The following SYNM variants were observed in gnomAD, a reference collection of about 807,000 sequenced individuals.
The protein encoded by SYNM is synemin.
A neutral mutation model predicts 104.0 loss-of-function variants in SYNM; 95 were observed. The ratio of observed to expected loss-of-function variants is 0.91; its 90% CI spans 0.77 to 1.08. SYNM has a LOEUF of 1.08. Among genes scored for constraint, SYNM ranks in the 50% least tolerant of loss-of-function variants. The pLI is 0.00. For missense variants in SYNM, 2,150 were observed against 2,052.2 expected, an observed-to-expected ratio of 1.05 and a Z score of -0.92; for synonymous variants, 918 against 869.0, an observed-to-expected ratio of 1.06 and a Z score of -0.99.
rs370438116 is a variant in SYNM at position 99,105,652 on chromosome 15, C to G, written c.453C>G (p.Asp151Glu). 3.2e-5 allele frequency: 45 copies of G among 1,384,986 alleles called. No homozygotes were observed. The highest frequency in any genetic ancestry group is 4.0e-5 in the Non-Finnish European group (43 of 1,070,256). 85.8% of individuals were successfully genotyped at this position (1,384,986 alleles called of 1,614,324 possible). A position where few individuals can be genotyped will look rare whatever the true frequency, so the allele number is the denominator to read the frequency against. ...RRGLDAAHER[D>E]VRELRARAAS... ...GCCTCGACGCGGCCCACGAACGCGA[C>G]GTGAGGGAGCTGCGCGCGCGCGCCG... The change falls in exon 1 of 4, where the codon GAC becomes GAG. Residue 151 changes from aspartate to glutamate, a missense_variant. Transcript: ENST00000336292.
At chr15:99,125,948 G>A (rs782012509) in intron 2 of SYNM, among the ~76,000 whole-genome samples, 14 of 152,216 alleles carry the variant, frequency 9.2e-5, no homozygotes, top group Non-Finnish European at 1.6e-4. Flanking sequence ...AGCAGTAGAC[G>A]TGAACAACCT....
chr15:99,106,211 G>A (rs2067241887), intron 1 of SYNM, among the ~76,000 whole-genome samples: 1 of 152,228 alleles, frequency 6.6e-6, no homozygotes, highest in African/African-American at 2.4e-5. Flanking sequence ...GCGCGGGGCG[G>A]CAGGTCCTAG....
At chr15:99,106,513 C>A (rs1555482830) in intron 1 of SYNM, among the ~76,000 whole-genome samples, 2 of 152,210 alleles carry the variant, frequency 1.3e-5, no homozygotes, top group African/African-American at 4.8e-5. Flanking sequence ...TTGGAAGCCG[C>A]AGTTGTGGCT....
chr15:99,115,839 A>G (rs1187901101), intron 2 of SYNM, among the ~76,000 whole-genome samples: 1 of 152,200 alleles, frequency 6.6e-6, no homozygotes, highest in Non-Finnish European at 1.5e-5. Context: ...TATCTGGCTG[A>G]TACGTTGCTT....
At chr15:99,106,140 G>C (rs2067240705) in intron 1 of SYNM, 131 bp downstream of exon 1, 3 of 1,035,548 alleles carry the variant, frequency 2.9e-6, no homozygotes, top group Non-Finnish European at 3.9e-6. Flanking sequence ...CCCGCCCAGA[G>C]GGTGCCCGAA....
chr15:99,122,721 C>G (rs1277728235), intron 2 of SYNM, among the ~76,000 whole-genome samples: 3 of 152,134 alleles, frequency 2.0e-5, no homozygotes, highest in Non-Finnish European at 4.4e-5. Context: ...TGCCTGTAGT[C>G]CCAGCTACTT....
Position 99,132,566 on chromosome 15 carries a change from G to T in SYNM, c.4206G>T (p.Arg1402Ser), listed in dbSNP as rs541002150. The T allele has an allele frequency of 8.7e-6, 14 of 1,613,896 alleles. No individual in the cohort carries two copies. In the Admixed American group the frequency reaches 1.0e-4, roughly 12 times the overall value. Residue 1402 changes from arginine (R) to serine (S), a missense_variant, in exon 4 of 4, where the codon AGG (arginine) becomes AGT (serine). Coordinates refer to ENST00000336292, the MANE Select transcript of SYNM (RefSeq NM_145728.3). Reference protein sequence around the residue: ...EMTSGVSRSFRHIRLGPTETE... With the variant: ...EMTSGVSRSFSHIRLGPTETE... ...CATCGGGTGTTAGCAGATCCTTTAG[G>T]CACATTCGACTAGGTCCTACAGAAA...
In SYNM at chr15:99,131,798, T is replaced by G. The variant is rs782737537; in HGVS notation, c.3438T>G (p.Thr1146=). The G allele has an allele frequency of 6.2e-7, 1 of 1,613,804 alleles. No homozygotes were observed. Among genetic ancestry groups the G allele is most frequent in the African/African-American group, 1.3e-5 (1 of 74,938 alleles). ...RTERMSYEGP[T]AEVVEVSAGG... ...AGCGAATGTCATATGAAGGACCCAC[T>G]GCAGAAGTGGTGGAGGTAAGTGCGG... Residue 1146 remains threonine, a synonymous_variant, in exon 4 of 4, where the codon ACT becomes ACG. Coordinates refer to ENST00000336292, the MANE Select transcript of SYNM (RefSeq NM_145728.3). The surrounding 1 kb of genome is among the most constrained non-coding windows in gnomAD (Gnocchi z 4.3).
chr15:99,113,660 T>C lies in SYNM; in HGVS notation c.880T>C (p.Tyr294His), dbSNP rs1225577363. 6.2e-7 allele frequency: 1 copy of C among 1,613,394 alleles called. No homozygotes were observed. Among genetic ancestry groups the C allele is most frequent in the Non-Finnish European group, 8.5e-7 (1 of 1,179,702 alleles). Residue 294 changes from tyrosine (Y) to histidine (H), a missense_variant, in exon 2 of 4, where the codon TAT (tyrosine) becomes CAT (histidine). Transcript: ENST00000336292. ...GGCCATGGCTGACTGGCTGCGGGAC[T>C]ATCAGGACCTCCTGCAGGTGAAGAC... The part of the protein sequence containing the change: ...TLAMADWLRD[Y>H]QDLLQVKTGL...
chr15:99,139,630 CTGTA>C (rs1555489219), downstream of SYNM: 5 of 1,503,462 alleles, frequency 3.3e-6, no homozygotes, highest in East Asian at 2.7e-5. Flanking sequence ...CTGTGACTAT[CTGTA>C]TGCAAAAAAT....
At chr15:99,113,499 G>A (rs1431025024) in intron 1 of SYNM, 92 bp from the exon 2 acceptor site, 5 of 1,539,118 alleles carry the variant, frequency 3.2e-6, no homozygotes, top group East Asian at 4.7e-5. Flanking sequence ...ACCCTGGTCT[G>A]TTTTTCAATT....
In SYNM at chr15:99,131,623, A is replaced by T. The variant is rs1567284885; in HGVS notation, c.3263A>T (p.His1088Leu). ...AGCGAGGTTGCTGGTGGGGCCTCTC[A>T]CAGCTCGGGACAGCGCACTCCCCAG... ...GESEVAGGAS[H>L]SSGQRTPQGP... Residue 1088 changes from histidine (H) to leucine (L), a missense_variant, in exon 4 of 4, where the codon CAC becomes CTC. His to Leu is a moderately conservative substitution (Grantham distance 99, BLOSUM62 -3). Transcript: ENST00000336292. This position sits in a 1 kb window ranked among gnomAD's most constrained non-coding sequence, Gnocchi z 4.3. 3 of 1,610,304 alleles carry T rather than the reference A, an allele frequency of 1.9e-6. No individual in the cohort carries two copies. The highest frequency in any genetic ancestry group is 1.7e-5 in the Admixed American group (1 of 59,860).
At chr15:99,127,952 G>A (rs1222959803) in intron 3 of SYNM, among the ~76,000 whole-genome samples, 1 of 152,166 alleles carries the variant, frequency 6.6e-6, no homozygotes, top group Non-Finnish European at 1.5e-5. Context: ...GTGATTTTGG[G>A]GCCGAGGGAG....
intron 2 of SYNM, among the ~76,000 whole-genome samples, chr15:99,120,138 C>G (rs953491953): frequency 1.6e-4 from 25 of 152,118 alleles, no homozygotes; most frequent in African/African-American, 5.3e-4. Context: ...AATTGGAGAG[C>G]CTGAGATTTT....
intron 1 of SYNM, among the ~76,000 whole-genome samples, chr15:99,106,428 G>A (rs1479837909): frequency 6.6e-6 from 1 of 152,208 alleles, no homozygotes; most frequent in Non-Finnish European, 1.5e-5. Context: ...TAGCCCCGCT[G>A]TCTATAGCGC....
At position 99,105,662 on chromosome 15, in the gene SYNM, C is replaced by T. The variant is rs1191375087; in HGVS notation, c.463C>T (p.Leu155=). Residue 155 remains leucine, a synonymous_variant, in exon 1 of 4, where the codon CTG becomes TTG. Coordinates refer to ENST00000336292, the MANE Select transcript of SYNM (RefSeq NM_145728.3). ...GGCCCACGAACGCGACGTGAGGGAGCTGCGCGCGCGCGCCGCCAGCCTTAC... is the reference window on the plus strand; with the variant it reads ...GGCCCACGAACGCGACGTGAGGGAGTTGCGCGCGCGCGCCGCCAGCCTTAC... ...DAAHERDVRE[L]RARAASLTMH... 4.3e-6 allele frequency: 6 copies of T among 1,399,590 alleles called. 1 individual carries two copies. The South Asian group carries it at 6.0e-5, about 14-fold the overall frequency. 86.7% of individuals were successfully genotyped at this position (1,399,590 alleles called of 1,614,324 possible). A position where few individuals can be genotyped will look rare whatever the true frequency, so the allele number is the denominator to read the frequency against.
rs1178385145 is a variant in SYNM at position 99,113,627 on chromosome 15, C to G, written c.847C>G (p.Leu283Val). The part of the protein sequence containing the change: ...IDCLEDEKAT[L>V]TLAMADWLRD... ...CTGCCTGGAGGATGAGAAGGCAACC[C>G]TCACCTTGGCCATGGCTGACTGGCT... The change falls in exon 2 of 4, where the codon CTC becomes GTC. Residue 283 changes from leucine (L) to valine (V), a missense_variant. Coordinates refer to ENST00000336292, the MANE Select transcript of SYNM (RefSeq NM_145728.3). 6.2e-7 allele frequency: 1 copy of G among 1,613,454 alleles called. No homozygotes were observed. Among genetic ancestry groups the G allele is most frequent in the African/African-American group, 1.3e-5 (1 of 74,912 alleles).
At chr15:99,117,975 G>A (rs982814217) in intron 2 of SYNM, among the ~76,000 whole-genome samples, 1 of 152,188 alleles carries the variant, frequency 6.6e-6, no homozygotes, top group Non-Finnish European at 1.5e-5. Flanking sequence ...GGGAGCAAGC[G>A]ATGGATTTCA....
intron 3 of SYNM, among the ~76,000 whole-genome samples, chr15:99,127,014 C>T (rs1244993586): frequency 1.3e-5 from 2 of 152,196 alleles, no homozygotes; most frequent in Non-Finnish European, 2.9e-5. Flanking sequence ...AACTTGGTCC[C>T]TCTCTCGACA....
Sources: allele counts gnomAD v4.1 joint callset (sites outside exome capture counted in the v4.1 genomes callset), GRCh38; gene constraint gnomAD v4.1.1; non-coding constraint Gnocchi (gnomAD v3.1); transcripts MANE v1.5; gene names NCBI Gene and HGNC (gene_info 2026-07-23, HGNC 2026-07-21).